The following OGDHL variants were observed in gnomAD, a reference collection of about 807,000 sequenced individuals.
The protein encoded by OGDHL is oxoglutarate dehydrogenase L.
In OGDHL, 79 loss-of-function variants were observed where a neutral mutation model predicts 109.6. The observed-to-expected ratio is 0.72, with a 90% CI of 0.60 to 0.87. The LOEUF is 0.87. Ranked by LOEUF, OGDHL falls within the 40% of genes least tolerant of loss-of-function variation. The probability of loss-of-function intolerance (pLI) is 0.00; values close to 1 mark genes in which losing one functional copy is unlikely to be tolerated. For synonymous variants in OGDHL, 528 were observed against 537.2 expected (o/e 0.98, Z 0.24); for missense variants, 1,275 against 1,362.2 (o/e 0.94, Z 1.01).
Position 49,752,229 on chromosome 10 carries a change from C to T in OGDHL, c.498G>A (p.Glu166=), listed in dbSNP as rs1842654394. ...GCTGGAACTCCTTATCAAGGTCAGC[C>T]TCCTGAAGGTCATAGAAGGCTGGAG... The part of the protein sequence containing the change: ...IDKLAFYDLQ[E]ADLDKEFQLP... The change falls in exon 5 of 23, where the codon GAG becomes GAA. Residue 166 remains glutamate (E), a synonymous_variant. Transcript: ENST00000374103. The T allele has an allele frequency of 6.2e-7, 1 of 1,613,884 alleles. No homozygotes were observed. Among genetic ancestry groups the T allele is most frequent in the East Asian group, 2.2e-5 (1 of 44,884 alleles).
At position 49,751,904 on chromosome 10, in the gene OGDHL, C is replaced by G. The variant is rs139888177; in HGVS notation, c.672G>C (p.Lys224Asn). The change falls in exon 6 of 23, where the codon AAG becomes AAC. Residue 224 changes from lysine (K) to asparagine (N), a missense_variant. Lys to Asn is a moderately conservative substitution (Grantham distance 94). Coordinates refer to ENST00000374103, the MANE Select transcript of OGDHL (RefSeq NM_018245.3). The stretch of plus-strand genomic sequence containing the variant: ...ACTGCATCACACCAGGGGTCTCAAA[C>G]TTCTGCCGGATCCACTGGCACTGCT... Reference protein sequence around the residue: ...DVEQCQWIRQKFETPGVMQFS... With the variant: ...DVEQCQWIRQNFETPGVMQFS... 23 of 1,614,064 alleles carry G rather than the reference C, an allele frequency of 1.4e-5. No individual in the cohort carries two copies. Among genetic ancestry groups the G allele is most frequent in the Non-Finnish European group, 1.9e-5 (23 of 1,180,034 alleles).
intron 18 of OGDHL, 46 bp downstream of exon 18, chr10:49,738,145 G>A: frequency 1.9e-6 from 3 of 1,613,938 alleles, no homozygotes; most frequent in Non-Finnish European, 2.5e-6. Context: ...AGCCCTGTGG[G>A]CACAATAGGG....
At chr10:49,746,688 T>C in intron 10 of OGDHL, 62 bp downstream of exon 10, 1 of 1,596,750 alleles carries the variant, frequency 6.3e-7, no homozygotes, top group Non-Finnish European at 8.6e-7. Context: ...CCCCGCAAGC[T>C]ACTGCCTGGA....
rs1461883603 is a variant in OGDHL at position 49,734,996 on chromosome 10, GA to G, written c.*231del. ...TCCAGCAAGATGGGAGCAGCTGGGG[GA>G]TGCTCCAGCACAGTAGCCTGCCTAT... On this transcript the variant is annotated 3_prime_UTR_variant, in exon 23 of 23. Transcript: ENST00000374103. 1 of 364,188 alleles carries G rather than the reference GA, an allele frequency of 2.7e-6. No homozygotes were observed. The highest frequency in any genetic ancestry group is 4.5e-5 in the East Asian group (1 of 22,368). 22.6% of individuals were successfully genotyped at this position (364,188 alleles called of 1,614,324 possible).
intron 8 of OGDHL, among the ~76,000 whole-genome samples, chr10:49,747,430 T>C (rs1173558599): frequency 1.3e-5 from 2 of 152,140 alleles, no homozygotes; most frequent in African/African-American, 2.4e-5. Context: ...AGAGCCTCTC[T>C]GTACACTGAC....
At chr10:49,743,711 C>T (rs760605345) in intron 14 of OGDHL, 15 of 281,766 alleles carry the variant, frequency 5.3e-5, no homozygotes, top group Middle Eastern at 1.1e-3. Context: ...GACCCAGGGA[C>T]GCCCCGGCAA....
intron 12 of OGDHL, among the ~76,000 whole-genome samples, 161 bp downstream of exon 12, chr10:49,745,183 C>A (rs1211400058): frequency 6.6e-6 from 1 of 152,260 alleles, no homozygotes; most frequent in Admixed American, 6.5e-5. Context: ...ATCCTTAGTT[C>A]TTGGTCCCCT....
intron 14 of OGDHL, chr10:49,743,674 A>T (rs564071138): frequency 3.0e-5 from 7 of 230,560 alleles, no homozygotes; most frequent in African/African-American, 1.4e-4. Flanking sequence ...CCTGTATGGG[A>T]GCCCTTGCTT....
At chr10:49,754,775 A>G (rs1396730015) in intron 3 of OGDHL, among the ~76,000 whole-genome samples, 3 of 152,208 alleles carry the variant, frequency 2.0e-5, no homozygotes, top group Non-Finnish European at 4.4e-5. Flanking sequence ...AAATGACATC[A>G]TGAGGAAGCC....
At chr10:49,751,449 C>A (rs1258181) in intron 6 of OGDHL, among the ~76,000 whole-genome samples, 59,000 of 151,774 alleles carry the variant, frequency 0.39, 14,171 homozygotes, top group East Asian at 0.89. Context: ...CCAGCCCCTG[C>A]AGCCCTGGGG....
At position 49,736,003 on chromosome 10, in the gene OGDHL, T is replaced by C; in HGVS notation, c.2909+20A>G. ...GCCTCAGGGCCGAGGTGAGGGGCAATCAGCGGCCCCACCATGTACCATATG... is the reference window on the plus strand; with the variant it reads ...GCCTCAGGGCCGAGGTGAGGGGCAACCAGCGGCCCCACCATGTACCATATG... On this transcript the variant is annotated intron_variant, in intron 22 of 22. Transcript: ENST00000374103. The C allele has an allele frequency of 6.5e-7, 1 of 1,542,322 alleles. No homozygotes were observed. Among genetic ancestry groups the C allele is most frequent in the Non-Finnish European group, 8.7e-7 (1 of 1,143,828 alleles).
Position 49,756,885 on chromosome 10 carries a change from C to T in OGDHL, c.266G>A (p.Arg89Gln), listed in dbSNP as rs372637339. ...GCTCTCATGGACAACAGAAGGGGGC[C>T]GTGGCTGAGCAGAGCCAGAAAAGGC... Reference protein sequence around the residue: ...EEAFSGSAQPRPPSVVHESRS... With the variant: ...EEAFSGSAQPQPPSVVHESRS... Residue 89 changes from arginine (R) to glutamine (Q), a missense_variant, in exon 3 of 23, where the codon CGG becomes CAG. Arg to Gln is a conservative substitution (Grantham distance 43). Coordinates refer to ENST00000374103, the MANE Select transcript of OGDHL (RefSeq NM_018245.3). 16 of 1,613,810 alleles carry T rather than the reference C, an allele frequency of 9.9e-6. No homozygotes were observed. Among genetic ancestry groups the T allele is most frequent in the Middle Eastern group, 1.6e-4 (1 of 6,084 alleles).
chr10:49,747,116 G>A lies in OGDHL; in HGVS notation c.1080C>T (p.Asn360=). The change falls in exon 9 of 23, where the codon AAC becomes AAT. Residue 360 remains asparagine, a synonymous_variant. Transcript: ENST00000374103. ...NRNITLSLVA[N]PSHLEAVDPV... ...GGTCCACTGCCTCCAGGTGGGAGGG[G>A]TTGGCAACCAGCGACAGAGTGATGT... 1 of 1,614,192 alleles carries A rather than the reference G, an allele frequency of 6.2e-7. No individual in the cohort carries two copies. The highest frequency in any genetic ancestry group is 1.6e-4 in the Middle Eastern group (1 of 6,062).
chr10:49,747,484 T>C (rs180747181), intron 8 of OGDHL, among the ~76,000 whole-genome samples: 2 of 152,182 alleles, frequency 1.3e-5, no homozygotes, highest in South Asian at 2.1e-4. Context: ...CATCCAGCGG[T>C]GGGGAAGGCA....
chr10:49,748,741 TCC>T (rs1491402764), intron 8 of OGDHL, among the ~76,000 whole-genome samples: 2 of 69,418 alleles, frequency 2.9e-5, no homozygotes, highest in South Asian at 5.5e-4. Context: ...TAGGTATGGG[TCC>T]ACACACACAC....
rs528566362 is a variant in OGDHL, at chr10:49,740,747, G to T, written c.2103C>A (p.Thr701=). 180 of 1,613,772 alleles carry T rather than the reference G, an allele frequency of 1.1e-4. 1 individual carries two copies. The South Asian group carries it at 1.8e-3, about 16-fold the overall frequency. The change falls in exon 16 of 23, where the codon ACC becomes ACA. Residue 701 remains threonine, a synonymous_variant. Transcript: ENST00000374103. ...ACTCCGAGAGGGAGCTGTTGCACACGGTGTACGGGGCCTGGTCAGGCCAGA... is the reference window on the plus strand; with the variant it reads ...ACTCCGAGAGGGAGCTGTTGCACACTGTGTACGGGGCCTGGTCAGGCCAGA... ...NHLWPDQAPY[T]VCNSSLSEYG... is the part of the protein sequence containing the mutation.
chr10:49,754,941 G>A (rs557844711), intron 3 of OGDHL, among the ~76,000 whole-genome samples: 1 of 152,322 alleles, frequency 6.6e-6, no homozygotes, highest in South Asian at 2.1e-4. Context: ...CTGCTTCAAA[G>A]AAGCAGTAAA....
intron 15 of OGDHL, among the ~76,000 whole-genome samples, chr10:49,742,056 A>ACCACACTACACACCACACACC (rs1841730634): frequency 1.1e-5 from 1 of 93,274 alleles, no homozygotes; most frequent in Non-Finnish European, 2.3e-5. Context: ...TCACACGCAC[A>ACCACACTACACACCACACACC]CCACACTACA....
chr10:49,750,929 C>T lies in OGDHL; in HGVS notation c.806G>A (p.Gly269Asp). ...WSSEKRFGLE[G>D]CEVMIPALKT... Reference sequence around the variant, plus strand: ...GAGGGCAGGAATCATCACTTCACAGCCCTCCAGGCCAAACCGCTTCTCTGA... The same window carrying T: ...GAGGGCAGGAATCATCACTTCACAGTCCTCCAGGCCAAACCGCTTCTCTGA... The change falls in exon 7 of 23, where the codon GGC (glycine) becomes GAC (aspartate). Residue 269 changes from glycine to aspartate, a missense_variant. Coordinates refer to ENST00000374103, the MANE Select transcript of OGDHL (RefSeq NM_018245.3). 6.2e-7 allele frequency: 1 copy of T among 1,611,922 alleles called. No individual in the cohort carries two copies. Among genetic ancestry groups the T allele is most frequent in the East Asian group, 2.2e-5 (1 of 44,838 alleles).
Sources: gnomAD v4.1 joint callset for allele counts (sites outside exome capture counted in the v4.1 genomes callset) on GRCh38, gnomAD v4.1.1 for gene constraint, MANE v1.5 for transcripts, NCBI Gene and HGNC (gene_info 2026-07-23, HGNC 2026-07-21) for gene names.